The following CTNNA3 variants were observed in gnomAD, a reference collection of about 807,000 sequenced individuals.
CTNNA3 encodes catenin alpha 3, also known as catenin alpha-3.
A neutral mutation model predicts 95.7 loss-of-function variants in CTNNA3; 76 were observed. The ratio of observed to expected loss-of-function variants is 0.79; its 90% CI spans 0.66 to 0.96. CTNNA3 has a LOEUF of 0.96. Among genes scored for constraint, CTNNA3 ranks in the 40% least tolerant of loss-of-function variants. CTNNA3 has a pLI of 0.00. For missense variants in CTNNA3, 1,191 were observed against 1,089.8 expected (o/e 1.09, Z -1.31); for synonymous variants, 431 against 374.4 (o/e 1.15, Z -1.74).
At chr10:66,602,125 A>C (rs1255564163) in intron 10 of CTNNA3, among the ~76,000 whole-genome samples, 1 of 151,812 alleles carries the variant, frequency 6.6e-6, no homozygotes, top group Non-Finnish European at 1.5e-5. Context: ...TTTGGTTGGA[A>C]AACTTGTCAT....
At chr10:66,618,269 A>G (rs537074761) in intron 10 of CTNNA3, among the ~76,000 whole-genome samples, 148 of 152,002 alleles carry the variant, frequency 9.7e-4, no homozygotes, top group African/African-American at 3.5e-3. Flanking sequence ...CCTAAGCCAA[A>G]AGAACAAAGC....
In CTNNA3 at chr10:66,215,635, A is replaced by G. The variant is rs905046557; in HGVS notation, c.1884+64835T>C. 2.0e-5 allele frequency among the ~76,000 whole-genome samples: 3 copies of G among 152,352 alleles called. 1 individual carries two copies. The highest frequency in any genetic ancestry group is 4.4e-5 in the Non-Finnish European group (3 of 68,026). ...TAATACACAAAGCTAAGATGGTGGT[A>G]GGGAGATTGTTAGCTATTCATGATT... On this transcript the variant is annotated intron_variant, in intron 13 of 17. Coordinates refer to ENST00000433211, the MANE Select transcript of CTNNA3 (RefSeq NM_013266.4).
chr10:66,125,692 A>G (rs755574305), intron 13 of CTNNA3, among the ~76,000 whole-genome samples: 1 of 152,184 alleles, frequency 6.6e-6, no homozygotes, highest in Admixed American at 6.5e-5. Context: ...CTATCAAGCT[A>G]TGAGAACACC....
At chr10:66,071,452 C>T (rs187674173) in intron 14 of CTNNA3, among the ~76,000 whole-genome samples, 396 of 34,436 alleles carry the variant, frequency 0.011, 6 homozygotes, top group African/African-American at 0.033. Context: ...GTGAGGAAAT[C>T]GAGTCTCTCT....
At chr10:66,714,262 T>C (rs1007373343) in intron 9 of CTNNA3, among the ~76,000 whole-genome samples, 3 of 152,142 alleles carry the variant, frequency 2.0e-5, no homozygotes, top group African/African-American at 7.2e-5. Flanking sequence ...AGTAATCCAG[T>C]TGTTGCATGA....
intron 12 of CTNNA3, among the ~76,000 whole-genome samples, chr10:66,373,741 C>G (rs1179984922): frequency 6.6e-6 from 1 of 152,252 alleles, no homozygotes; most frequent in African/African-American, 2.4e-5. Context: ...CTACCCCTTA[C>G]AGGGATTTGC....
intron 7 of CTNNA3, among the ~76,000 whole-genome samples, chr10:66,889,369 T>C (rs550014364): frequency 1.3e-5 from 2 of 152,142 alleles, no homozygotes; most frequent in South Asian, 2.1e-4. Flanking sequence ...TAATGTAAAC[T>C]GTGGGCTCTG....
intron 12 of CTNNA3, among the ~76,000 whole-genome samples, chr10:66,309,509 T>C (rs529017775): frequency 4.1e-5 from 6 of 147,638 alleles, no homozygotes; most frequent in African/African-American, 1.5e-4. Flanking sequence ...TGGCTAACAC[T>C]GTGAAACCCC....
intron 13 of CTNNA3, chr10:66,118,240 T>C (rs548013061): frequency 6.6e-6 from 1 of 152,226 alleles, no homozygotes; most frequent in Non-Finnish European, 1.5e-5. Context: ...TGCTTTGTCC[T>C]ATTTTTTTTT....
intron 13 of CTNNA3, among the ~76,000 whole-genome samples, chr10:66,274,929 C>T (rs2091359115): frequency 6.6e-6 from 1 of 151,918 alleles, no homozygotes; most frequent in African/African-American, 2.4e-5. Context: ...TTATAATTTT[C>T]AGAGTATAGA....
chr10:66,802,013 A>G (rs981837452), intron 7 of CTNNA3, among the ~76,000 whole-genome samples: 4 of 151,732 alleles, frequency 2.6e-5, no homozygotes, highest in African/African-American at 9.7e-5. Context: ...AGTCTTCAAT[A>G]TGTGGTGCTA....
intron 12 of CTNNA3, among the ~76,000 whole-genome samples, chr10:66,353,485 A>G (rs983213747): frequency 1.3e-5 from 2 of 152,074 alleles, no homozygotes; most frequent in Non-Finnish European, 2.9e-5. Context: ...TTGTTTTTGT[A>G]TTTTTCATAT....
chr10:66,088,901 G>A (rs1245694768), intron 14 of CTNNA3, among the ~76,000 whole-genome samples: 2 of 152,042 alleles, frequency 1.3e-5, no homozygotes, highest in Non-Finnish European at 2.9e-5. Flanking sequence ...CCAGTTTTCT[G>A]TTGGCCAGGC....
intron 15 of CTNNA3, among the ~76,000 whole-genome samples, chr10:66,001,252 T>C (rs1173752505): frequency 1.3e-5 from 2 of 152,126 alleles, no homozygotes; most frequent in Admixed American, 6.6e-5. Context: ...CTGTCTCTTA[T>C]TCCCATTACC....
intron 1 of CTNNA3, among the ~76,000 whole-genome samples, chr10:67,672,001 C>T (rs1247275557): frequency 6.6e-6 from 1 of 151,972 alleles, no homozygotes; most frequent in Non-Finnish European, 1.5e-5. Flanking sequence ...TCCTATTTCT[C>T]CACATCCTCT....
intron 10 of CTNNA3, among the ~76,000 whole-genome samples, chr10:66,526,761 G>A (rs1318358925): frequency 6.6e-6 from 1 of 152,054 alleles, no homozygotes; most frequent in Non-Finnish European, 1.5e-5. Flanking sequence ...TTGGAGAAAT[G>A]TCTATTCAAG....
intron 5 of CTNNA3, among the ~76,000 whole-genome samples, chr10:67,497,112 G>A (rs955288726): frequency 6.6e-6 from 1 of 152,054 alleles, no homozygotes; most frequent in African/African-American, 2.4e-5. Context: ...GCCCTGGTGT[G>A]TGATGTTCCC....
intron 10 of CTNNA3, among the ~76,000 whole-genome samples, chr10:66,580,208 CTTT>C (rs1359158992): frequency 6.6e-6 from 1 of 151,470 alleles, no homozygotes; most frequent in African/African-American, 2.4e-5. Context: ...TTTCATTCTT[CTTT>C]GATTTCTTTG....
intron 16 of CTNNA3, among the ~76,000 whole-genome samples, chr10:65,985,231 T>C (rs1473927346): frequency 2.6e-5 from 4 of 151,134 alleles, no homozygotes; most frequent in African/African-American, 9.7e-5. Flanking sequence ...TAATACTATT[T>C]AAGCAAGAAA....
Sources: allele counts gnomAD v4.1 joint callset (sites outside exome capture counted in the v4.1 genomes callset), GRCh38; gene constraint gnomAD v4.1.1; transcripts MANE v1.5; gene names NCBI Gene and HGNC (gene_info 2026-07-23, HGNC 2026-07-21).